Variants in SNX18 observed in about 807,000 individuals in gnomAD.
The protein encoded by SNX18 is sorting nexin 18.
In SNX18, 35 loss-of-function variants were observed where a neutral mutation model predicts 48.7. The observed-to-expected ratio is 0.72, with a 90% CI of 0.55 to 0.95. The LOEUF is 0.95. Ranked by LOEUF, SNX18 falls within the 40% of genes least tolerant of loss-of-function variation. SNX18 has a pLI of 0.00. For synonymous variants in SNX18, 492 were observed against 384.7 expected (o/e 1.28, Z -3.26); for missense variants, 824 against 871.0 (o/e 0.95, Z 0.68).
chr5:54,568,230 T>G, the SNX18 span, among the ~76,000 whole-genome samples: 1 of 152,198 alleles, frequency 6.6e-6, no homozygotes, highest in East Asian at 1.9e-4. Context: ...CTTGGCAGAA[T>G]GTGTTGCTAA....
At chr5:54,537,252 AAT>A (rs1762375336) in intron 1 of SNX18, among the ~76,000 whole-genome samples, 1 of 152,152 alleles carries the variant, frequency 6.6e-6, no homozygotes, top group Admixed American at 6.5e-5. Context: ...TTCATGTATG[AAT>A]AGTGTTTTCT....
rs1761929172 is a variant in SNX18 at position 54,518,536 on chromosome 5, T to C, written c.584T>C (p.Leu195Pro). 6.3e-7 allele frequency: 1 copy of C among 1,578,908 alleles called. No individual in the cohort carries two copies. The highest frequency in any genetic ancestry group is 8.6e-7 in the Non-Finnish European group (1 of 1,163,702). ...AGVGAAGRYRLSTRSDLSLGS... is the reference protein window; with the variant it reads ...AGVGAAGRYRPSTRSDLSLGS... ...GTGGGCGCAGCCGGCCGCTACCGCC[T>C]GTCCACGCGCTCCGACCTGTCCCTG... The change falls in exon 1 of 2, where the codon CTG becomes CCG. Residue 195 changes from leucine to proline, a missense_variant. Leu to Pro is a moderately conservative substitution (Grantham distance 98). This residue lies in a region of SNX18 where 377 missense variants were observed against 350.6 expected (regional missense o/e 1.08). Coordinates refer to ENST00000381410, the MANE Select transcript of SNX18 (RefSeq NM_001102575.2).
chr5:54,519,419 G>A lies in SNX18; in HGVS notation c.1467G>A (p.Leu489=), dbSNP rs750559405. The change falls in exon 1 of 2, where the codon CTG becomes CTA. Residue 489 remains leucine, a synonymous_variant. Transcript: ENST00000381410. ...ACCAGCAGGCCTTCTCGGTGGGCCT[G>A]AACCAGGCTATCGCCTTCACCGGAG... The part of the protein sequence containing the change: ...ELDQQAFSVG[L]NQAIAFTGDA... 1 of 1,611,866 alleles carries A rather than the reference G, an allele frequency of 6.2e-7. No homozygotes were observed. The highest frequency in any genetic ancestry group is 8.5e-7 in the Non-Finnish European group (1 of 1,179,404).
chr5:54,597,708 G>A, the SNX18 span, among the ~76,000 whole-genome samples: 2,377 of 152,088 alleles, frequency 0.016, 23 homozygotes, highest in South Asian at 0.025. Flanking sequence ...CAAAGAAAAC[G>A]TACCAGAATC....
At chr5:54,629,142 C>T in the SNX18 span, among the ~76,000 whole-genome samples, 1 of 152,214 alleles carries the variant, frequency 6.6e-6, no homozygotes, top group African/African-American at 2.4e-5. Flanking sequence ...AAAACACTGT[C>T]TCACTTGAAA....
the SNX18 span, among the ~76,000 whole-genome samples, chr5:54,647,824 G>T: frequency 6.6e-6 from 1 of 152,076 alleles, no homozygotes; most frequent in African/African-American, 2.4e-5. Flanking sequence ...ATGAAGAGTT[G>T]AGAACAGATT....
chr5:54,607,167 C>T, the SNX18 span, among the ~76,000 whole-genome samples: 1 of 152,170 alleles, frequency 6.6e-6, no homozygotes, highest in Non-Finnish European at 1.5e-5. Flanking sequence ...ATACCCCACT[C>T]TTCTCATTTC....
the SNX18 span, among the ~76,000 whole-genome samples, chr5:54,566,631 A>G: frequency 6.6e-6 from 1 of 152,208 alleles, no homozygotes; most frequent in Non-Finnish European, 1.5e-5. Flanking sequence ...TTGGGAATCC[A>G]AGGTTCCTTC....
At chr5:54,596,736 G>A in the SNX18 span, among the ~76,000 whole-genome samples, 172 of 152,272 alleles carry the variant, frequency 1.1e-3, no homozygotes, top group African/African-American at 3.9e-3. Context: ...GAGACAGATA[G>A]CACCTACTCT....
At chr5:54,520,017 C>T (rs984147580) in intron 1 of SNX18, 11 of 584,018 alleles carry the variant, frequency 1.9e-5, no homozygotes, top group East Asian at 5.7e-5. Flanking sequence ...TAGAAATCTG[C>T]TTTCACCCTT....
chr5:54,586,004 CAA>C, the SNX18 span, among the ~76,000 whole-genome samples: 493 of 76,688 alleles, frequency 6.4e-3, 3 homozygotes, highest in African/African-American at 0.019. Context: ...GACTCCGTCT[CAA>C]AAAAAAAAAA....
the SNX18 span, among the ~76,000 whole-genome samples, chr5:54,605,539 GA>G: frequency 1.3e-5 from 2 of 152,056 alleles, no homozygotes; most frequent in Non-Finnish European, 2.9e-5. Context: ...TTTTTTAGTT[GA>G]AAACAATGTT....
At chr5:54,588,306 C>CTTTTTTTTTTTTTTTTTT in the SNX18 span, among the ~76,000 whole-genome samples, 47 of 73,916 alleles carry the variant, frequency 6.4e-4, 5 homozygotes, top group Non-Finnish European at 8.5e-4. Flanking sequence ...TATTTCTATT[C>CTTTTTTTTTTTTTTTTTT]TTTTTTTTTT....
At position 54,544,113 on chromosome 5, in the gene SNX18, A is replaced by G. The variant is rs1762524331; in HGVS notation, c.*681A>G. 6.6e-6 allele frequency: 1 copy of G among 152,240 alleles called. No individual in the cohort carries two copies. Among genetic ancestry groups the G allele is most frequent in the African/African-American group, 2.4e-5 (1 of 41,432 alleles). The allele number at this position is 152,240 out of a possible 1,614,324, so 9.4% of individuals were successfully genotyped here. ...TTATCTCCTGATAAGATGCTGGTGA[A>G]TGCAGGGGAGTGAGATTCATTGCTC... On this transcript the variant is annotated 3_prime_UTR_variant, in exon 2 of 2. Transcript: ENST00000381410.
intron 1 of SNX18, chr5:54,520,040 A>G (rs906825876): frequency 5.8e-6 from 3 of 516,424 alleles, no homozygotes; most frequent in Non-Finnish European, 7.0e-6. Context: ...ACACCTCTCA[A>G]TCTCTGCTTT....
At chr5:54,563,841 C>G in the SNX18 span, among the ~76,000 whole-genome samples, 4 of 151,554 alleles carry the variant, frequency 2.6e-5, no homozygotes, top group Non-Finnish European at 5.9e-5. Context: ...GCAGCTGAAC[C>G]CTAATATAAC....
At position 54,537,913 on chromosome 5, in the gene SNX18, C is replaced by A. The variant is rs1762387307; in HGVS notation, c.1622-5266C>A. Among the ~76,000 whole-genome samples the A allele has an allele frequency of 2.0e-5, 3 of 152,184 alleles. No homozygotes were observed. In the South Asian group the frequency reaches 6.2e-4, roughly 32 times the overall value. On this transcript the variant is annotated intron_variant, in intron 1 of 1. Coordinates refer to ENST00000381410, the MANE Select transcript of SNX18 (RefSeq NM_001102575.2). ...GTCATACTTTGTTACAGCTCTGCAG[C>A]TGGTTGTATTGTACCTCTGCAGTTG...
chr5:54,584,524 T>C, the SNX18 span, among the ~76,000 whole-genome samples: 1 of 152,136 alleles, frequency 6.6e-6, no homozygotes, highest in African/African-American at 2.4e-5. Context: ...GGTATTTGCA[T>C]AGGTGGAGTG....
rs190203684 is a variant in SNX18 at position 54,519,361 on chromosome 5, C to G, written c.1409C>G (p.Ser470Cys). 1.4e-3 allele frequency: 2,323 copies of G among 1,613,210 alleles called. 59 individuals are homozygous for G. The Admixed American group carries it at 0.036, about 25-fold the overall frequency. Residue 470 changes from serine to cysteine, a missense_variant, in exon 1 of 2, where the codon TCC becomes TGC. Around this residue, in one of 3 missense-constraint regions of SNX18, gnomAD observed 443 missense variants for 503.6 expected, o/e 0.88. Coordinates refer to ENST00000381410, the MANE Select transcript of SNX18 (RefSeq NM_001102575.2). ...FKKEYQKVGQ[S>C]FRGLSQAFEL... ...AAGGAGTATCAGAAGGTGGGCCAGT[C>G]CTTCCGCGGCCTCAGCCAGGCCTTT...
Sources: allele counts gnomAD v4.1 joint callset (sites outside exome capture counted in the v4.1 genomes callset), GRCh38; gene constraint gnomAD v4.1.1; regional missense constraint gnomAD v4.1.1; transcripts MANE v1.5; gene names NCBI Gene and HGNC (gene_info 2026-07-23, HGNC 2026-07-21).